Variants in KCNIP4 observed in about 807,000 individuals in gnomAD.
KCNIP4 encodes the protein potassium voltage-gated channel interacting protein 4, also known as Kv channel-interacting protein 4.
A neutral mutation model predicts 34.0 loss-of-function variants in KCNIP4; 12 were observed. The observed-to-expected ratio is 0.35, with a 90% confidence interval of 0.23 to 0.57. The LOEUF (loss-of-function observed/expected upper bound fraction) is 0.57. KCNIP4 is among the 20% of genes least tolerant of loss of function. The probability of loss-of-function intolerance (pLI) is 0.83; values close to 1 mark genes in which losing one functional copy is unlikely to be tolerated. For synonymous variants in KCNIP4, 124 were observed against 102.2 expected (o/e 1.21, Z -1.29); for missense variants, 238 against 311.7 (o/e 0.76, Z 1.78).
Position 21,249,464 on chromosome 4 carries a change from T to C in KCNIP4, c.62-366755A>G, listed in dbSNP as rs376850625. ...GGAATCACATTAAGTTTCAAATACTTGTCCCATACCCTGCTAACTCTATGA... is the reference window on the plus strand; with the variant it reads ...GGAATCACATTAAGTTTCAAATACTCGTCCCATACCCTGCTAACTCTATGA... On this transcript the variant is annotated intron_variant, in intron 1 of 8. Transcript: ENST00000382152. 1.6e-4 allele frequency among the ~76,000 whole-genome samples: 24 copies of C among 152,230 alleles called. No individual in the cohort carries two copies. In the East Asian group the frequency reaches 3.3e-3, roughly 21 times the overall value.
At chr4:21,234,130 A>G (rs1399093305) in intron 1 of KCNIP4, among the ~76,000 whole-genome samples, 1 of 96,498 alleles carries the variant, frequency 1.0e-5, no homozygotes, top group East Asian at 2.6e-4. Context: ...TATAACATAT[A>G]TAACGTATAT....
At chr4:21,766,567 C>A (rs1345552411) in intron 1 of KCNIP4, among the ~76,000 whole-genome samples, 1 of 152,136 alleles carries the variant, frequency 6.6e-6, no homozygotes, top group African/African-American at 2.4e-5. Flanking sequence ...CTAAAATTTT[C>A]TAACAACAAT....
intron 1 of KCNIP4, among the ~76,000 whole-genome samples, chr4:21,595,203 C>T (rs1742547533): frequency 2.0e-5 from 3 of 152,224 alleles, no homozygotes; most frequent in East Asian, 1.9e-4. Flanking sequence ...CATGTGTTCT[C>T]ACTGTTCAAC....
At chr4:21,098,469 C>T (rs180786152) in intron 1 of KCNIP4, among the ~76,000 whole-genome samples, 1 of 152,236 alleles carries the variant, frequency 6.6e-6, no homozygotes, top group African/African-American at 2.4e-5. Flanking sequence ...AGCCGATACT[C>T]ATTTACCATT....
rs1304194281 is a variant in KCNIP4, at chr4:20,729,125, G to GAATGGCTTGTAATATAAA, written c.*939_*956dup. 2.0e-5 allele frequency: 3 copies of GAATGGCTTGTAATATAAA among 151,790 alleles called. No individual in the cohort carries two copies. Among genetic ancestry groups the GAATGGCTTGTAATATAAA allele is most frequent in the African/African-American group, 7.3e-5 (3 of 41,320 alleles). The allele number at this position is 151,790 out of a possible 1,614,324, so 9.4% of individuals were successfully genotyped here. On this transcript the variant is annotated 3_prime_UTR_variant, in exon 9 of 9. Coordinates refer to ENST00000382152, the MANE Select transcript of KCNIP4 (RefSeq NM_025221.6). ...AGTCAAGGTTTCTTTCTTTGTCCCTGAATGGCTTGTAATATAAATAAACAT... is the reference window on the plus strand; with the variant it reads ...AGTCAAGGTTTCTTTCTTTGTCCCTGAATGGCTTGTAATATAAAAATGGCTTGTAATATAAATAAACAT...
intron 1 of KCNIP4, among the ~76,000 whole-genome samples, chr4:21,681,736 G>A (rs1411493765): frequency 6.6e-6 from 1 of 152,084 alleles, no homozygotes; most frequent in East Asian, 1.9e-4. Context: ...CCGTTCTGCA[G>A]GCTGTACAGG....
intron 1 of KCNIP4, among the ~76,000 whole-genome samples, chr4:21,073,907 G>A (rs1015534107): frequency 1.3e-5 from 2 of 152,124 alleles, no homozygotes; most frequent in African/African-American, 4.8e-5. Context: ...TGTGGTTTTT[G>A]TCTTTGGTTC....
At chr4:21,666,005 A>T (rs146196628) in intron 1 of KCNIP4, among the ~76,000 whole-genome samples, 297 of 152,310 alleles carry the variant, frequency 1.9e-3, no homozygotes, top group African/African-American at 6.4e-3. Context: ...AATTTCAAAA[A>T]ATCAGTGATT....
chr4:21,080,181 C>A (rs985663371), intron 1 of KCNIP4, among the ~76,000 whole-genome samples: 4 of 151,752 alleles, frequency 2.6e-5, no homozygotes, highest in African/African-American at 9.7e-5. Flanking sequence ...GGCTCCTCCA[C>A]CTCTCCAACT....
At chr4:21,511,652 C>T (rs1352538817) in intron 1 of KCNIP4, among the ~76,000 whole-genome samples, 1 of 152,126 alleles carries the variant, frequency 6.6e-6, no homozygotes, top group Non-Finnish European at 1.5e-5. Context: ...GTAAGTAGGA[C>T]AACGGGAGCT....
At chr4:21,137,989 A>T (rs902132498) in intron 1 of KCNIP4, among the ~76,000 whole-genome samples, 4 of 149,098 alleles carry the variant, frequency 2.7e-5, no homozygotes, top group African/African-American at 1.0e-4. Context: ...CTCCTTCCTC[A>T]GCCTCCCGAG....
chr4:21,079,055 T>C (rs1745773841), intron 1 of KCNIP4, among the ~76,000 whole-genome samples: 1 of 152,082 alleles, frequency 6.6e-6, no homozygotes, highest in Admixed American at 6.6e-5. Flanking sequence ...GCACTTACCC[T>C]TGTTTGAAAG....
chr4:20,850,775 T>C (rs957426119), intron 2 of KCNIP4, 108 bp from the exon 3 acceptor site: 6 of 1,315,234 alleles, frequency 4.6e-6, no homozygotes, highest in African/African-American at 2.9e-5. Flanking sequence ...TCTGTGACTG[T>C]CCACAGAGGA....
intron 1 of KCNIP4, among the ~76,000 whole-genome samples, chr4:21,835,685 A>G (rs1407450481): frequency 6.6e-6 from 1 of 152,086 alleles, no homozygotes; most frequent in Non-Finnish European, 1.5e-5. Flanking sequence ...TTCATACCCT[A>G]TAGCCCAGAG....
chr4:21,181,872 G>C (rs747928673), intron 1 of KCNIP4, among the ~76,000 whole-genome samples: 5 of 152,072 alleles, frequency 3.3e-5, no homozygotes, highest in African/African-American at 7.2e-5. Flanking sequence ...AAACATAGGA[G>C]AGATTCATGA....
chr4:21,486,981 G>T (rs527834677), intron 1 of KCNIP4, among the ~76,000 whole-genome samples: 1 of 151,354 alleles, frequency 6.6e-6, no homozygotes, highest in East Asian at 2.0e-4. Context: ...TTTTATTTTT[G>T]GTAGATACAG....
Position 20,931,198 on chromosome 4 carries a change from GACACAC to G in KCNIP4, c.62-48495_62-48490del, listed in dbSNP as rs901352484. Among the ~76,000 whole-genome samples, 383 of 108,308 alleles carry G rather than the reference GACACAC, an allele frequency of 3.5e-3. 3 individuals carry two copies. Among genetic ancestry groups the G allele is most frequent in the African/African-American group, 0.012 (366 of 29,996 alleles). 71.1% of individuals were successfully genotyped at this position (108,308 alleles called of 152,430 possible). On this transcript the variant is annotated intron_variant, in intron 1 of 8. Coordinates refer to ENST00000382152, the MANE Select transcript of KCNIP4 (RefSeq NM_025221.6). ...TGGTACACACACACACACACACACA[GACACAC>G]ACACACACAAACATACACTGAATAT...
intron 3 of KCNIP4, among the ~76,000 whole-genome samples, chr4:20,818,916 ATC>A: frequency 7.0e-6 from 1 of 141,850 alleles, no homozygotes; most frequent in African/African-American, 2.6e-5. Flanking sequence ...TATATATATT[ATC>A]TCTTTTTTTT....
At chr4:21,044,739 C>T (rs527840107) in intron 1 of KCNIP4, among the ~76,000 whole-genome samples, 253 of 152,308 alleles carry the variant, frequency 1.7e-3, no homozygotes, top group South Asian at 6.2e-3. Flanking sequence ...TCCTGGGACT[C>T]TTTCTCTGCC....
Sources: allele counts gnomAD v4.1 joint callset (sites outside exome capture counted in the v4.1 genomes callset), GRCh38; gene constraint gnomAD v4.1.1; transcripts MANE v1.5; gene names NCBI Gene and HGNC (gene_info 2026-07-23, HGNC 2026-07-21).